Variants in ATP13A3 observed in about 807,000 individuals in gnomAD.
The protein encoded by ATP13A3 is polyamine-transporting ATPase 13A3.
A neutral mutation model predicts 158.1 loss-of-function variants in ATP13A3; 59 were observed. The observed-to-expected ratio is 0.37, with a 90% CI of 0.30 to 0.46. The LOEUF (loss-of-function observed/expected upper bound fraction) is 0.46. Among genes scored for constraint, ATP13A3 ranks in the 20% least tolerant of loss-of-function variants. ATP13A3 has a pLI of 1.00. For missense variants in ATP13A3, 1,166 were observed against 1,525.2 expected (o/e 0.76, Z 3.92); for synonymous variants, 491 against 504.3 (o/e 0.97, Z 0.35).
intron 2 of ATP13A3, among the ~76,000 whole-genome samples, chr3:194,472,481 T>A (rs1234106719): frequency 6.6e-6 from 1 of 152,194 alleles, no homozygotes; most frequent in Non-Finnish European, 1.5e-5. Context: ...CTTTCACCAC[T>A]AGGGGATGTT....
At position 194,457,132 on chromosome 3, in the gene ATP13A3, C is replaced by T. The variant is rs1173816024; in HGVS notation, c.522G>A (p.Lys174=). 2 of 1,613,416 alleles carry T rather than the reference C, an allele frequency of 1.2e-6. No homozygotes were observed. Among genetic ancestry groups the T allele is most frequent in the Admixed American group, 1.7e-5 (1 of 59,970 alleles). The change falls in exon 7 of 34, where the codon AAG becomes AAA. Residue 174 remains lysine (K), a synonymous_variant. Transcript: ENST00000645319. ...EGVSCTSIYE[K]HSAGLTKGMH... ...TCCCCTTTGTCAGTCCTGCACTATG[C>T]TTTTCATAAATTGACGTACAAGAAA... is the stretch of plus-strand genomic sequence containing the variant.
At position 194,448,563 on chromosome 3, in the gene ATP13A3, T is replaced by C; in HGVS notation, c.1044A>G (p.Leu348=). Residue 348 remains leucine (L), a synonymous_variant, in exon 12 of 34, where the codon TTA becomes TTG. Transcript: ENST00000645319. The surrounding 1 kb of genome is among the most constrained non-coding windows in gnomAD (Gnocchi z 4.0). The part of the protein sequence containing the change: ...SVDVKGIGDE[L]YNPETHKRHT... ...GTCGTTTATGTGTTTCTGGATTATA[T>C]AATTCATCTCCTATTCCTTTCACAT... 3.1e-6 allele frequency: 5 copies of C among 1,614,056 alleles called. No homozygotes were observed. The highest frequency in any genetic ancestry group is 4.2e-6 in the Non-Finnish European group (5 of 1,179,906).
intron 1 of ATP13A3, among the ~76,000 whole-genome samples, chr3:194,486,162 T>C (rs1249048868): frequency 4.7e-4 from 72 of 152,108 alleles, no homozygotes; most frequent in Admixed American, 4.7e-3. Context: ...TCACTCCTTT[T>C]ATCTGTGAAA....
At position 194,441,514 on chromosome 3, in the gene ATP13A3, T is replaced by C; in HGVS notation, c.1560-53A>G. The C allele has an allele frequency of 3.3e-6, 5 of 1,499,988 alleles. No individual in the cohort carries two copies. The South Asian group carries it at 4.9e-5, about 15-fold the overall frequency. 92.9% of individuals were successfully genotyped at this position (1,499,988 alleles called of 1,614,324 possible). ...TCATAAATTCTAAGATTCAAGATAA[T>C]ATTCTAACAGGGCTTTTCTGGTTTT... On this transcript the variant is annotated intron_variant, in intron 15 of 33. Coordinates refer to ENST00000645319, the MANE Select transcript of ATP13A3 (RefSeq NM_001367549.1).
intron 15 of ATP13A3, among the ~76,000 whole-genome samples, chr3:194,442,567 G>A (rs1718125898): frequency 6.6e-6 from 1 of 152,158 alleles, no homozygotes; most frequent in African/African-American, 2.4e-5. Context: ...TGCGAGAGTA[G>A]GGGTGGGAGC....
chr3:194,439,017 A>G, intron 16 of ATP13A3, 45 bp from the exon 17 acceptor site: 1 of 1,249,186 alleles, frequency 8.0e-7, no homozygotes, highest in Admixed American at 2.1e-5. Flanking sequence ...CACAACATTC[A>G]AGCACTGCTT....
chr3:194,437,838 T>C lies in ATP13A3; in HGVS notation c.1828-265A>G, dbSNP rs765473568. 7.2e-5 allele frequency among the ~76,000 whole-genome samples: 11 copies of C among 152,278 alleles called. No homozygotes were observed. The South Asian group carries it at 2.3e-3, about 32-fold the overall frequency. On this transcript the variant is annotated intron_variant, in intron 17 of 33. Coordinates refer to ENST00000645319, the MANE Select transcript of ATP13A3 (RefSeq NM_001367549.1). ...ACTAAGGGGTGCAAGCAAGTGTACA[T>C]ACCAAAAAACACAAAATAAAAATTA...
intron 2 of ATP13A3, among the ~76,000 whole-genome samples, chr3:194,480,758 T>TG (rs1283884677): frequency 6.6e-6 from 1 of 152,178 alleles, no homozygotes; most frequent in East Asian, 1.9e-4. Flanking sequence ...ACTTACACTC[T>TG]GGGGGGAAGC....
At chr3:194,454,230 G>A (rs1719033721) in intron 9 of ATP13A3, 28 bp downstream of exon 9, 1 of 1,570,122 alleles carries the variant, frequency 6.4e-7, no homozygotes, top group African/African-American at 1.4e-5. Flanking sequence ...AAATACAGTT[G>A]TGAAACCCAT....
chr3:194,450,766 T>C (rs890214651), intron 10 of ATP13A3: 5 of 153,188 alleles, frequency 3.3e-5, no homozygotes, highest in African/African-American at 4.8e-5. Flanking sequence ...TCAAGTCTCA[T>C]TGCCTCAATA....
chr3:194,429,807 T>TA (rs1717087597), intron 26 of ATP13A3, 33 bp from the exon 27 acceptor site: 2 of 1,578,956 alleles, frequency 1.3e-6, no homozygotes, highest in Admixed American at 3.4e-5. Flanking sequence ...GGCATATGAA[T>TA]AGAAGCATTT....
At chr3:194,411,242 G>A (rs1326156157) in intron 33 of ATP13A3, among the ~76,000 whole-genome samples, 1 of 152,068 alleles carries the variant, frequency 6.6e-6, no homozygotes, top group African/African-American at 2.4e-5. Flanking sequence ...GGTAAAAGTT[G>A]GCTAAAACTA....
chr3:194,454,285 G>T lies in ATP13A3; in HGVS notation c.738C>A (p.Ile246=). 6.2e-7 allele frequency: 1 copy of T among 1,607,646 alleles called. No individual in the cohort carries two copies. The highest frequency in any genetic ancestry group is 1.1e-5 in the South Asian group (1 of 90,902). Residue 246 remains isoleucine (I), a synonymous_variant, in exon 9 of 34, where the codon ATC becomes ATA. Transcript: ENST00000645319. ...TTCTAATGGAATATAGTGAGCTTAC[G>T]ATTGATACTATGGACATAACCACAA... The part of the protein sequence containing the change: ...LAIVVMSIVS[I]VSSLYSIRKQ...
intron 32 of ATP13A3, among the ~76,000 whole-genome samples, chr3:194,413,509 G>A (rs1472097909): frequency 6.6e-6 from 1 of 151,908 alleles, no homozygotes; most frequent in African/African-American, 2.4e-5. Context: ...CTTTCTACTC[G>A]TCATTAATTT....
At chr3:194,459,759 A>G (rs1221893077) in intron 5 of ATP13A3, 30 bp downstream of exon 5, 2 of 1,574,214 alleles carry the variant, frequency 1.3e-6, no homozygotes, top group Admixed American at 1.8e-5. Context: ...TCTGATTTTT[A>G]AAGAAACTTT....
chr3:194,461,366 C>T (rs34799059), intron 3 of ATP13A3, among the ~76,000 whole-genome samples: 18,215 of 152,168 alleles, frequency 0.12, 1,353 homozygotes, highest in South Asian at 0.28. Flanking sequence ...ATTAACTAAA[C>T]TCAGTTTTAG....
chr3:194,410,173 G>A (rs1477931816), intron 33 of ATP13A3, among the ~76,000 whole-genome samples: 1 of 151,048 alleles, frequency 6.6e-6, no homozygotes, highest in Non-Finnish European at 1.5e-5. Context: ...AAAATTAGAA[G>A]GGCAGGCCAA....
At chr3:194,422,044 T>G (rs1273350812) in intron 30 of ATP13A3, among the ~76,000 whole-genome samples, 1 of 150,808 alleles carries the variant, frequency 6.6e-6, no homozygotes, top group Admixed American at 6.6e-5. Context: ...CAGAGCCACC[T>G]CTTGGATCCC....
chr3:194,450,218 T>C lies in ATP13A3; in HGVS notation c.897A>G (p.Leu299=). 2 of 1,613,714 alleles carry C rather than the reference T, an allele frequency of 1.2e-6. No homozygotes were observed. Among genetic ancestry groups the C allele is most frequent in the Non-Finnish European group, 1.7e-6 (2 of 1,179,610 alleles). Reference sequence around the variant, plus strand: ...CATCACAAGGCATTATTGTCCCATTTAATGGAATGACCATGACATCTCCTG... The same window carrying C: ...CATCACAAGGCATTATTGTCCCATTCAATGGAATGACCATGACATCTCCTG... ...LVPGDVMVIP[L]NGTIMPCDAV... The change falls in exon 11 of 34, where the codon TTA becomes TTG. Residue 299 remains leucine (L), a synonymous_variant. Transcript: ENST00000645319.
Sources: gnomAD v4.1 joint callset for allele counts (sites outside exome capture counted in the v4.1 genomes callset) on GRCh38, gnomAD v4.1.1 for gene constraint, Gnocchi (gnomAD v3.1) non-coding constraint, MANE v1.5 for transcripts, NCBI Gene and HGNC (gene_info 2026-07-23, HGNC 2026-07-21) for gene names.